NUP205: variants seen among roughly 807,000 people sequenced by gnomAD.
The protein encoded by NUP205 is nuclear pore complex protein Nup205.
A neutral mutation model predicts 253.8 loss-of-function variants in NUP205; 76 were observed. That is an observed-to-expected ratio of 0.30 (90% confidence interval 0.25 to 0.36). The LOEUF is 0.36. NUP205 is among the 10% of genes least tolerant of loss of function. The probability of loss-of-function intolerance (pLI) is 1.00; values close to 1 mark genes in which losing one functional copy is unlikely to be tolerated. For synonymous variants in NUP205, 832 were observed against 850.1 expected (o/e 0.98, Z 0.37); for missense variants, 2,162 against 2,425.5 (o/e 0.89, Z 2.28).
rs755106540 is a variant in NUP205 at position 135,587,633 on chromosome 7, A to G, written c.1277A>G (p.Gln426Arg). Residue 426 changes from glutamine (Q) to arginine (R), a missense_variant, in exon 9 of 43, where the codon CAG becomes CGG. This residue lies in a region of NUP205 where 892 missense variants were observed against 957.1 expected (regional missense o/e 0.93). Transcript: ENST00000285968. ...GCTCGAATGATTCACATGAGTATGC[A>G]GATGGGTAATGAACCCCCCATTTCA... ...EDARMIHMSM[Q>R]MGNEPPISLR... 2 of 1,611,814 alleles carry G rather than the reference A, an allele frequency of 1.2e-6. No individual in the cohort carries two copies. The highest frequency in any genetic ancestry group is 1.7e-6 in the Non-Finnish European group (2 of 1,178,996).
intron 27 of NUP205, 106 bp downstream of exon 27, chr7:135,617,788 GCCTAAAAATT>G: frequency 1.8e-6 from 1 of 566,290 alleles, no homozygotes; most frequent in Non-Finnish European, 3.1e-6. Context: ...TTAGTAAGCT[GCCTAAAAATT>G]AAACATTTAG....
Position 135,589,391 on chromosome 7 carries a change from C to T in NUP205, c.1473+1399C>T, listed in dbSNP as rs977912557. On this transcript the variant is annotated intron_variant, in intron 10 of 42. Coordinates refer to ENST00000285968, the MANE Select transcript of NUP205 (RefSeq NM_015135.3). ...ACCTCCTCTGCCTCCCAGATTCAAG[C>T]GATTCTCCTGTCTCAGCCTCCCGAA... is the stretch of plus-strand genomic sequence containing the variant. Among the ~76,000 whole-genome samples, 11 of 150,640 alleles carry T rather than the reference C, an allele frequency of 7.3e-5. 2 individuals carry two copies. The highest frequency in any genetic ancestry group is 2.7e-4 in the Admixed American group (4 of 15,048).
In NUP205 at chr7:135,633,177, T is replaced by C. The variant is rs112147293; in HGVS notation, c.5060-2404T>C. ...ACAGGGTCTTGCTATGTTGCCCAGG[T>C]GTTCTCGAACTCCTGGCCTCAAGCA... is the stretch of plus-strand genomic sequence containing the variant. On this transcript the variant is annotated intron_variant, in intron 35 of 42. Transcript: ENST00000285968. Among the ~76,000 whole-genome samples the C allele has an allele frequency of 5.6e-3, 851 of 152,086 alleles. 14 individuals carry two copies. The highest frequency in any genetic ancestry group is 0.051 in the East Asian group (265 of 5,156).
At chr7:135,575,505 A>G (rs1806127931) in intron 3 of NUP205, among the ~76,000 whole-genome samples, 1 of 152,180 alleles carries the variant, frequency 6.6e-6, no homozygotes, top group Non-Finnish European at 1.5e-5. Flanking sequence ...TTAAAAAAAA[A>G]GTGAAACTTA....
intron 7 of NUP205, among the ~76,000 whole-genome samples, chr7:135,579,570 T>C (rs951861787): frequency 2.0e-5 from 3 of 152,234 alleles, no homozygotes; most frequent in African/African-American, 7.2e-5. Context: ...GTTCACAAAC[T>C]AGTTTTTCAC....
intron 7 of NUP205, among the ~76,000 whole-genome samples, chr7:135,581,687 A>G (rs753768106): frequency 6.6e-5 from 10 of 151,930 alleles, no homozygotes; most frequent in Non-Finnish European, 8.8e-5. Flanking sequence ...GCCCATCTCC[A>G]CTAAAAACAC....
intron 28 of NUP205, among the ~76,000 whole-genome samples, chr7:135,619,145 C>T (rs1283799579): frequency 6.6e-6 from 1 of 152,066 alleles, no homozygotes; most frequent in Non-Finnish European, 1.5e-5. Context: ...GGGAGGATCA[C>T]TGGAGCCCAG....
At position 135,628,032 on chromosome 7, in the gene NUP205, A is replaced by C. The variant is rs781605301; in HGVS notation, c.4853A>C (p.Gln1618Pro). ...CCTACCCCAGTGGATCGCTACCGCC[A>C]GATTCTCCTCCCAGCTCTCCAGCTG... The part of the protein sequence containing the change: ...FIPTPVDRYR[Q>P]ILLPALQLCQ... Residue 1618 changes from glutamine to proline, a missense_variant, in exon 34 of 43, where the codon CAG (glutamine) becomes CCG (proline). This residue lies in a region of NUP205 where 1,144 missense variants were observed against 1,280.9 expected (regional missense o/e 0.89). Transcript: ENST00000285968. 5 of 1,611,530 alleles carry C rather than the reference A, an allele frequency of 3.1e-6. No homozygotes were observed. In the South Asian group the frequency reaches 5.5e-5, roughly 18 times the overall value.
In NUP205 at chr7:135,644,875, A is replaced by G; in HGVS notation, c.5560-20A>G. ...TCATTCCAGTTGATGTCATTCTAAT[A>G]CCACATTTGTTTCTTCTAGTTGTGT... On this transcript the variant is annotated intron_variant, in intron 39 of 42. Coordinates refer to ENST00000285968, the MANE Select transcript of NUP205 (RefSeq NM_015135.3). The G allele has an allele frequency of 6.2e-7, 1 of 1,611,646 alleles. No homozygotes were observed. Among genetic ancestry groups the G allele is most frequent in the East Asian group, 2.2e-5 (1 of 44,814 alleles).
chr7:135,632,098 T>C (rs185186314), intron 35 of NUP205, among the ~76,000 whole-genome samples: 1 of 152,310 alleles, frequency 6.6e-6, no homozygotes, highest in Admixed American at 6.5e-5. Context: ...AGAAAAAGCA[T>C]GCTGTCTCAT....
Position 135,606,202 on chromosome 7 carries a change from G to A in NUP205, c.2881G>A (p.Glu961Lys). The A allele has an allele frequency of 1.2e-6, 2 of 1,612,446 alleles. No individual in the cohort carries two copies. The highest frequency in any genetic ancestry group is 1.7e-6 in the Non-Finnish European group (2 of 1,178,638). Residue 961 changes from glutamate to lysine, a missense_variant, in exon 20 of 43, where the codon GAA (glutamate) becomes AAA (lysine). Physicochemically the swap from Glu to Lys is moderately conservative, Grantham distance 56 (BLOSUM62 1). Transcript: ENST00000285968. The stretch of plus-strand genomic sequence containing the variant: ...GGAGTGTTTGGATTGTGAAGATGCA[G>A]AAGAATTTGTACGTCTGGAAGAGGG... ...FVECLDCEDA[E>K]EFVRLEEGSE... is the part of the protein sequence containing the mutation.
intron 39 of NUP205, among the ~76,000 whole-genome samples, chr7:135,644,035 C>G (rs182205938): frequency 9.2e-5 from 14 of 152,314 alleles, no homozygotes; most frequent in Non-Finnish European, 1.6e-4. Context: ...CATGCCTACT[C>G]CCTCTTGCCA....
intron 3 of NUP205, among the ~76,000 whole-genome samples, chr7:135,575,724 G>A (rs191027145): frequency 6.6e-6 from 1 of 152,212 alleles, no homozygotes; most frequent in Admixed American, 6.5e-5. Context: ...GAACCTAGGC[G>A]GCAGAGGTTG....
intron 35 of NUP205, among the ~76,000 whole-genome samples, chr7:135,631,535 C>T (rs188925470): frequency 6.6e-6 from 1 of 152,222 alleles, no homozygotes; most frequent in Admixed American, 6.5e-5. Context: ...CCTCTTCCAC[C>T]CTCAGATGAT....
At chr7:135,597,212 G>A in intron 13 of NUP205, 156 bp from the exon 14 acceptor site, 1 of 501,926 alleles carries the variant, frequency 2.0e-6, no homozygotes, top group Non-Finnish European at 3.6e-6. Context: ...AACTGCTAAT[G>A]AAAGTCCATC....
intron 22 of NUP205, among the ~76,000 whole-genome samples, chr7:135,611,810 A>G (rs1794246202): frequency 6.6e-6 from 1 of 151,992 alleles, no homozygotes; most frequent in Admixed American, 6.6e-5. Flanking sequence ...GTTGTTTTGT[A>G]TTTTTCTTAA....
At chr7:135,570,740 A>T (rs1267295358) in intron 1 of NUP205, among the ~76,000 whole-genome samples, 2 of 76,962 alleles carry the variant, frequency 2.6e-5, no homozygotes, top group African/African-American at 5.1e-5. Flanking sequence ...ATATTATATT[A>T]ATATATTAAT....
intron 40 of NUP205, among the ~76,000 whole-genome samples, chr7:135,645,220 C>T (rs1794984151): frequency 6.6e-6 from 1 of 152,142 alleles, no homozygotes; most frequent in Non-Finnish European, 1.5e-5. Context: ...AATACATGGG[C>T]ACTTTCTGTT....
At chr7:135,638,265 T>C (rs1794854320) in intron 37 of NUP205, among the ~76,000 whole-genome samples, 1 of 151,912 alleles carries the variant, frequency 6.6e-6, no homozygotes, top group Non-Finnish European at 1.5e-5. Flanking sequence ...CAAAAAAAAT[T>C]TAGCTGGGCA....
Sources: gnomAD v4.1 joint callset for allele counts (sites outside exome capture counted in the v4.1 genomes callset) on GRCh38, gnomAD v4.1.1 for gene constraint, gnomAD v4.1.1 regional missense constraint, MANE v1.5 for transcripts, NCBI Gene and HGNC (gene_info 2026-07-23, HGNC 2026-07-21) for gene names.